Variants in LMX1A observed in about 807,000 individuals in gnomAD.
The protein encoded by LMX1A is LIM homeobox transcription factor 1-alpha.
In LMX1A, 15 loss-of-function variants were observed where a neutral mutation model predicts 49.1. The observed-to-expected ratio is 0.31, with a 90% CI of 0.20 to 0.47. The LOEUF is 0.47. Among genes scored for constraint, LMX1A ranks in the 20% least tolerant of loss-of-function variants. LMX1A has a pLI of 1.00. For synonymous variants in LMX1A, 167 were observed against 185.7 expected (o/e 0.90, Z 0.82); for missense variants, 372 against 475.8 (o/e 0.78, Z 2.03).
chr1:165,294,555 G>A (rs774867095), intron 3 of LMX1A, among the ~76,000 whole-genome samples: 26 of 152,186 alleles, frequency 1.7e-4, no homozygotes, highest in Admixed American at 9.8e-4. Flanking sequence ...AAACCCGGCA[G>A]TTTCTCTTCT....
intron 4 of LMX1A, among the ~76,000 whole-genome samples, chr1:165,235,809 T>G (rs1336015911): frequency 1.3e-5 from 2 of 152,220 alleles, no homozygotes; most frequent in African/African-American, 4.8e-5. Context: ...CAGGGGAGGC[T>G]CTAATTGAAG....
chr1:165,356,548 G>T lies in LMX1A; in HGVS notation c.-216C>A, dbSNP rs1278545738. On this transcript the variant is annotated 5_prime_UTR_variant, in exon 1 of 9. Transcript: ENST00000342310. ...TCCTCGGCGCGCCCAGGCTGGGCCGGGACGTGGTCGCGAGCTGCCGGCCTT... is the reference window on the plus strand; with the variant it reads ...TCCTCGGCGCGCCCAGGCTGGGCCGTGACGTGGTCGCGAGCTGCCGGCCTT... 1 of 152,222 alleles carries T rather than the reference G, an allele frequency of 6.6e-6. No homozygotes were observed. The highest frequency in any genetic ancestry group is 2.4e-5 in the African/African-American group (1 of 41,462). The allele number at this position is 152,222 out of a possible 1,614,324, so 9.4% of individuals were successfully genotyped here.
At chr1:165,292,100 C>T (rs1297500148) in intron 3 of LMX1A, among the ~76,000 whole-genome samples, 1 of 149,378 alleles carries the variant, frequency 6.7e-6, no homozygotes, top group East Asian at 2.0e-4. Context: ...ATGCTATATG[C>T]CTGCTCACCA....
At chr1:165,337,675 T>C (rs1655935651) in intron 3 of LMX1A, among the ~76,000 whole-genome samples, 1 of 152,178 alleles carries the variant, frequency 6.6e-6, no homozygotes, top group Non-Finnish European at 1.5e-5. Context: ...GATTTTAAAA[T>C]AGCTTGCTTG....
intron 3 of LMX1A, among the ~76,000 whole-genome samples, chr1:165,328,281 A>T (rs1226559588): frequency 6.6e-6 from 1 of 152,208 alleles, no homozygotes; most frequent in Non-Finnish European, 1.5e-5. Context: ...CCAGTAATAA[A>T]CTGTTAGCAT....
At chr1:165,353,456 C>G (rs1656495917) in intron 2 of LMX1A, among the ~76,000 whole-genome samples, 194 bp from the exon 3 acceptor site, 1 of 152,048 alleles carries the variant, frequency 6.6e-6, no homozygotes, top group Non-Finnish European at 1.5e-5. Flanking sequence ...TAAACGGAGA[C>G]TATGTGAGAA....
chr1:165,354,744 A>T (rs1656549276), intron 2 of LMX1A, among the ~76,000 whole-genome samples: 1 of 152,212 alleles, frequency 6.6e-6, no homozygotes, highest in Non-Finnish European at 1.5e-5. Context: ...TAAATAAAAT[A>T]AAATAAAATA....
At chr1:165,232,871 A>C (rs1652283238) in intron 4 of LMX1A, among the ~76,000 whole-genome samples, 1 of 152,166 alleles carries the variant, frequency 6.6e-6, no homozygotes, top group Non-Finnish European at 1.5e-5. Flanking sequence ...TGGCTTCCCA[A>C]CCATATGAAA....
intron 4 of LMX1A, among the ~76,000 whole-genome samples, chr1:165,232,862 G>C (rs1287899169): frequency 6.6e-6 from 1 of 152,090 alleles, no homozygotes; most frequent in Non-Finnish European, 1.5e-5. Context: ...CCTAACATGT[G>C]GCTTCCCAAC....
At chr1:165,305,835 A>G (rs1286966063) in intron 3 of LMX1A, among the ~76,000 whole-genome samples, 2 of 152,166 alleles carry the variant, frequency 1.3e-5, no homozygotes, top group African/African-American at 4.8e-5. Flanking sequence ...GGCCAATGAG[A>G]TATGATATGG....
At chr1:165,267,090 T>C (rs369373250) in intron 3 of LMX1A, among the ~76,000 whole-genome samples, 34 of 152,334 alleles carry the variant, frequency 2.2e-4, no homozygotes, top group African/African-American at 8.2e-4. Flanking sequence ...CTACCACCTC[T>C]ATCTAGTTCC....
At chr1:165,266,897 GGCTTGCTTGCTT>G (rs139379825) in intron 3 of LMX1A, among the ~76,000 whole-genome samples, 35 of 151,488 alleles carry the variant, frequency 2.3e-4, no homozygotes, top group Admixed American at 2.0e-3. Flanking sequence ...CACTGTGCCC[GGCTTGCTTGCTT>G]GCTTGCTTGC....
chr1:165,293,959 A>G (rs908897279), intron 3 of LMX1A, among the ~76,000 whole-genome samples: 1 of 152,220 alleles, frequency 6.6e-6, no homozygotes, highest in Admixed American at 6.5e-5. Flanking sequence ...GCTGGATACT[A>G]AGGAAAGTAC....
Position 165,353,221 on chromosome 1 carries a change from G to T in LMX1A, c.118C>A (p.Arg40=), listed in dbSNP as rs139738225. ...SPKSVCEGCQ[R]VILDRFLLRL... is the part of the protein sequence containing the mutation. ...AGCAGAAACCTGTCCAAGATGACCC[G>T]CTGACAGCCCTCGCAGACAGACTTG... The change falls in exon 3 of 9, where the codon CGG becomes AGG. Residue 40 remains arginine (R), a synonymous_variant. Coordinates refer to ENST00000342310, the MANE Select transcript of LMX1A (RefSeq NM_177398.4). The T allele has an allele frequency of 4.3e-6, 7 of 1,613,534 alleles. No individual in the cohort carries two copies. In the African/African-American group the frequency reaches 8.0e-5, roughly 18 times the overall value.
chr1:165,286,612 GAC>G (rs1654311235), intron 3 of LMX1A, among the ~76,000 whole-genome samples: 1 of 152,176 alleles, frequency 6.6e-6, no homozygotes, highest in South Asian at 2.1e-4. Context: ...CCAAGTACCA[GAC>G]ACCAGACTCT....
At chr1:165,326,521 C>T (rs774758085) in intron 3 of LMX1A, among the ~76,000 whole-genome samples, 1 of 152,194 alleles carries the variant, frequency 6.6e-6, no homozygotes, top group Non-Finnish European at 1.5e-5. Flanking sequence ...GGCAGCAGGG[C>T]CTTACAATTC....
At chr1:165,227,608 A>C (rs1652081469) in intron 4 of LMX1A, among the ~76,000 whole-genome samples, 1 of 150,992 alleles carries the variant, frequency 6.6e-6, no homozygotes, top group Non-Finnish European at 1.5e-5. Context: ...AATGGTTAAG[A>C]GCAGTCTAGA....
At chr1:165,350,474 C>A (rs1656392755) in intron 3 of LMX1A, among the ~76,000 whole-genome samples, 1 of 152,114 alleles carries the variant, frequency 6.6e-6, no homozygotes, top group Non-Finnish European at 1.5e-5. Flanking sequence ...CCTCATCTAG[C>A]CTAGCGTCTT....
chr1:165,293,654 G>A (rs531052465), intron 3 of LMX1A, among the ~76,000 whole-genome samples: 58 of 152,370 alleles, frequency 3.8e-4, no homozygotes, highest in African/African-American at 1.3e-3. Context: ...AACAACAGAT[G>A]TTTATTTCTC....
Sources: allele counts gnomAD v4.1 joint callset (sites outside exome capture counted in the v4.1 genomes callset), GRCh38; gene constraint gnomAD v4.1.1; transcripts MANE v1.5; gene names NCBI Gene and HGNC (gene_info 2026-07-23, HGNC 2026-07-21).